The following WDPCP variants were observed in gnomAD, a reference collection of about 807,000 sequenced individuals.
The protein encoded by WDPCP is WD repeat containing planar cell polarity effector.
A neutral mutation model predicts 93.1 loss-of-function variants in WDPCP; 71 were observed. The observed-to-expected ratio is 0.76, with a 90% CI of 0.63 to 0.93. WDPCP has a LOEUF of 0.93. WDPCP is among the 40% of genes least tolerant of loss of function. The pLI, the probability that WDPCP is intolerant of heterozygous loss-of-function variation, is 0.00. For missense variants in WDPCP, 844 were observed against 887.4 expected, an observed-to-expected ratio of 0.95 and a Z score of 0.62; for synonymous variants, 315 against 315.0, an observed-to-expected ratio of 1.00 and a Z score of 0.00.
chr2:63,484,579 G>T, intron 6 of WDPCP, 25 bp downstream of exon 6: 1 of 1,612,180 alleles, frequency 6.2e-7, no homozygotes, highest in South Asian at 1.1e-5. Flanking sequence ...GTTAAACACT[G>T]CAAAGGCTTG....
chr2:63,803,863 G>A (rs1670727374), intron 2 of WDPCP, among the ~76,000 whole-genome samples: 1 of 152,160 alleles, frequency 6.6e-6, no homozygotes. Flanking sequence ...TAATTTCAGT[G>A]TTTAGTTTTA....
At chr2:63,739,722 A>T (rs1669687483) in intron 2 of WDPCP, among the ~76,000 whole-genome samples, 1 of 152,012 alleles carries the variant, frequency 6.6e-6, no homozygotes, top group African/African-American at 2.4e-5. Context: ...CCTTTTCTTG[A>T]CAACCTTGCC....
Position 63,266,369 on chromosome 2 carries a change from CA to C in WDPCP, c.1813-6961del, listed in dbSNP as rs540706593. On this transcript the variant is annotated intron_variant, in intron 13 of 17. Coordinates refer to ENST00000272321, the MANE Select transcript of WDPCP (RefSeq NM_015910.7). Reference sequence around the variant, plus strand: ...TAAAATCAACATACAAAAACTTATCCAAAAAAAAATTAAGAAAACAATTCCA... The same window carrying C: ...TAAAATCAACATACAAAAACTTATCCAAAAAAAATTAAGAAAACAATTCCA... Among the ~76,000 whole-genome samples, 13 of 149,752 alleles carry C rather than the reference CA, an allele frequency of 8.7e-5. 1 individual carries two copies. Among genetic ancestry groups the C allele is most frequent in the Middle Eastern group, 3.2e-3 (1 of 316 alleles).
chr2:63,208,090 A>T (rs1462720691), intron 14 of WDPCP, among the ~76,000 whole-genome samples: 1 of 152,026 alleles, frequency 6.6e-6, no homozygotes, highest in Non-Finnish European at 1.5e-5. Context: ...TGAGTTTGTT[A>T]TCCTTATTTA....
intron 2 of WDPCP, among the ~76,000 whole-genome samples, chr2:63,793,763 GGACCAGGGTAAACCTATGTCTACACT>G (rs1473808747): frequency 4.0e-5 from 6 of 151,512 alleles, no homozygotes; most frequent in Non-Finnish European, 8.8e-5. Context: ...ATTCTTTCCG[GGACCAGGGTAAACCTATGTCTACACT>G]GAACTCTCTA....
chr2:63,390,451 A>G (rs1478077375), intron 10 of WDPCP, among the ~76,000 whole-genome samples: 1 of 152,246 alleles, frequency 6.6e-6, no homozygotes, highest in Non-Finnish European at 1.5e-5. Flanking sequence ...GAAAGCAGCA[A>G]AGATCTAAAA....
At chr2:63,573,233 A>G (rs1279676847) in intron 1 of WDPCP, among the ~76,000 whole-genome samples, 1 of 150,338 alleles carries the variant, frequency 6.7e-6, no homozygotes, top group Non-Finnish European at 1.5e-5. Flanking sequence ...ACAGAGCAAG[A>G]CCTGCCTCAA....
chr2:63,471,463 T>A (rs1399472236), intron 6 of WDPCP, among the ~76,000 whole-genome samples: 2 of 152,190 alleles, frequency 1.3e-5, no homozygotes, highest in Non-Finnish European at 2.9e-5. Flanking sequence ...GAATTTTTAA[T>A]TGGTTATATT....
chr2:63,140,474 A>G (rs1204137190), intron 17 of WDPCP, among the ~76,000 whole-genome samples: 1 of 151,764 alleles, frequency 6.6e-6, no homozygotes, highest in Non-Finnish European at 1.5e-5. Flanking sequence ...TGTTTGCGTC[A>G]TCTATGATTT....
At chr2:63,835,469 A>G in the WDPCP span, among the ~76,000 whole-genome samples, 5 of 151,720 alleles carry the variant, frequency 3.3e-5, no homozygotes, top group Non-Finnish European at 7.4e-5. Context: ...TGTCCCGGAT[A>G]AAGGCCTGAC....
chr2:63,458,716 A>T (rs1364041382), intron 6 of WDPCP, among the ~76,000 whole-genome samples: 2 of 152,152 alleles, frequency 1.3e-5, no homozygotes, highest in African/African-American at 2.4e-5. Flanking sequence ...TTTCACAGAC[A>T]TAGAAAAAAT....
chr2:63,152,306 G>C (rs1306044425), intron 17 of WDPCP, among the ~76,000 whole-genome samples: 2 of 141,990 alleles, frequency 1.4e-5, no homozygotes, highest in Non-Finnish European at 3.0e-5. Context: ...ACAGAGTCTT[G>C]CTCTGTCACC....
chr2:63,527,719 C>A (rs1442302529), intron 1 of WDPCP, among the ~76,000 whole-genome samples: 1 of 151,970 alleles, frequency 6.6e-6, no homozygotes, highest in Non-Finnish European at 1.5e-5. Flanking sequence ...ATTTATAATC[C>A]TTTGGGTATA....
At chr2:63,405,769 C>T (rs531567970) in intron 9 of WDPCP, among the ~76,000 whole-genome samples, 2 of 152,114 alleles carry the variant, frequency 1.3e-5, no homozygotes, top group East Asian at 3.9e-4. Context: ...TCACTTTATT[C>T]ATATGTAAAT....
intron 3 of WDPCP, among the ~76,000 whole-genome samples, chr2:63,632,643 A>G (rs1709876332): frequency 6.6e-6 from 1 of 152,200 alleles, no homozygotes; most frequent in African/African-American, 2.4e-5. Flanking sequence ...TATAAACTCA[A>G]AGACAGGTCA....
intron 3 of WDPCP, among the ~76,000 whole-genome samples, chr2:63,601,815 C>T (rs958339416): frequency 2.0e-5 from 3 of 152,204 alleles, no homozygotes; most frequent in Non-Finnish European, 4.4e-5. Context: ...GTTATAGGCT[C>T]TAACTTCCTG....
intron 2 of WDPCP, among the ~76,000 whole-genome samples, chr2:63,782,172 A>G (rs1670404257): frequency 6.6e-6 from 1 of 152,200 alleles, no homozygotes; most frequent in African/African-American, 2.4e-5. Flanking sequence ...CTCAAGATGG[A>G]TTAAAGACTT....
intron 14 of WDPCP, among the ~76,000 whole-genome samples, chr2:63,249,920 G>A (rs1680583701): frequency 6.6e-6 from 1 of 152,276 alleles, no homozygotes; most frequent in East Asian, 1.9e-4. Context: ...TGTAACTTTT[G>A]CAGTTTGAGG....
At chr2:63,771,301 T>A (rs898408554) in intron 2 of WDPCP, among the ~76,000 whole-genome samples, 1 of 151,792 alleles carries the variant, frequency 6.6e-6, no homozygotes, top group Admixed American at 6.6e-5. Flanking sequence ...TTTTAATAAA[T>A]TGATAAATTC....
Sources: allele counts gnomAD v4.1 joint callset (sites outside exome capture counted in the v4.1 genomes callset), GRCh38; gene constraint gnomAD v4.1.1; transcripts MANE v1.5; gene names NCBI Gene and HGNC (gene_info 2026-07-23, HGNC 2026-07-21).